Variants in MFSD11 observed in about 807,000 individuals in gnomAD.
MFSD11 encodes major facilitator superfamily domain containing 11.
Under a neutral mutation model 53.5 loss-of-function variants are expected in MFSD11, and 36 were observed. The observed-to-expected ratio is 0.67, with a 90% confidence interval of 0.52 to 0.89. The LOEUF (loss-of-function observed/expected upper bound fraction) is 0.89. Among genes scored for constraint, MFSD11 ranks in the 40% least tolerant of loss-of-function variants. MFSD11 has a pLI of 0.00. For missense variants in MFSD11, 530 were observed against 543.9 expected, an observed-to-expected ratio of 0.97 and a Z score of 0.25; for synonymous variants, 186 against 184.9, an observed-to-expected ratio of 1.01 and a Z score of -0.05.
intron 8 of MFSD11, among the ~76,000 whole-genome samples, chr17:76,759,866 G>A (rs1055633954): frequency 7.0e-6 from 1 of 143,710 alleles, no homozygotes; most frequent in Non-Finnish European, 1.5e-5. Context: ...CCACCCACCC[G>A]GCCTCCCAAA....
At chr17:76,753,972 A>G (rs2079321874) in intron 7 of MFSD11, 75 bp from the exon 8 acceptor site, 3 of 1,287,212 alleles carry the variant, frequency 2.3e-6, no homozygotes, top group Non-Finnish European at 3.3e-6. Flanking sequence ...ACGAACGTAA[A>G]TGAAAATGTG....
At chr17:76,766,056 A>G (rs2080821896) in intron 8 of MFSD11, among the ~76,000 whole-genome samples, 1 of 150,208 alleles carries the variant, frequency 6.7e-6, no homozygotes, top group African/African-American at 2.5e-5. Flanking sequence ...TGCATTCATC[A>G]TGATAGGATC....
At chr17:76,738,856 C>T in intron 1 of MFSD11, 82 bp from the exon 2 acceptor site, 1 of 1,040,882 alleles carries the variant, frequency 9.6e-7, no homozygotes, top group Non-Finnish European at 1.5e-6. Flanking sequence ...TATTCTCTTG[C>T]TGAGTACTTG....
chr17:76,745,488 G>C (rs992957856), intron 7 of MFSD11: 1 of 152,160 alleles, frequency 6.6e-6, no homozygotes, highest in Non-Finnish European at 1.5e-5. Context: ...TGGTCACTTT[G>C]TGTCTCTCTG....
rs1407194491 is a variant in MFSD11, at chr17:76,778,699, A to G, written c.*347A>G. On this transcript the variant is annotated 3_prime_UTR_variant, in exon 13 of 13. Transcript: ENST00000685175. ...CTGCCTTGATTTAGAATACTAGGCC[A>G]TATGTCATATAAATATTTTTTCTGG... The G allele has an allele frequency of 1.5e-5, 3 of 196,624 alleles. No homozygotes were observed. In the Admixed American group the frequency reaches 1.6e-4, roughly 11 times the overall value. 12.2% of individuals were successfully genotyped at this position (196,624 alleles called of 1,614,324 possible). A position where few individuals can be genotyped will look rare whatever the true frequency, so the allele number is the denominator to read the frequency against.
downstream of MFSD11, among the ~76,000 whole-genome samples, chr17:76,783,357 G>T (rs892426771): frequency 2.6e-5 from 4 of 152,032 alleles, no homozygotes; most frequent in African/African-American, 9.7e-5. Context: ...ATTTGGCTTA[G>T]ACCTTGAGCA....
At chr17:76,736,699 CCGGGCCCGCACCACGTGCTTCGCCG>C (rs1227450704), upstream of MFSD11, 16 of 1,312,738 alleles carry the variant, frequency 1.2e-5, no homozygotes, top group African/African-American at 1.6e-5. Context: ...CCCGCCCCGT[CCGGGCCCGCACCACGTGCTTCGCCG>C]CGGACCTTTG....
intron 7 of MFSD11, among the ~76,000 whole-genome samples, chr17:76,747,749 G>A (rs1368483722): frequency 6.6e-6 from 1 of 152,126 alleles, no homozygotes; most frequent in African/African-American, 2.4e-5. Flanking sequence ...GTTTGGTGTT[G>A]GTCCTAGAGG....
chr17:76,738,665 G>A, intron 1 of MFSD11: 1 of 605,036 alleles, frequency 1.7e-6, no homozygotes, highest in Non-Finnish European at 2.9e-6. Flanking sequence ...TTGATTAGGG[G>A]TTTGGATGTT....
intron 7 of MFSD11, chr17:76,745,287 G>A (rs952812434): frequency 6.6e-6 from 1 of 152,228 alleles, no homozygotes; most frequent in Admixed American, 6.5e-5. Flanking sequence ...AGGAGCATTA[G>A]ATGCTCCAGA....
chr17:76,791,412 T>A, the MFSD11 span, among the ~76,000 whole-genome samples: 2,239 of 149,486 alleles, frequency 0.015, 231 homozygotes, highest in African/African-American at 0.052. Flanking sequence ...CTTTTTTTTT[T>A]AAATTGGTTT....
chr17:76,780,502 G>A (rs1304828108), downstream of MFSD11, among the ~76,000 whole-genome samples: 2 of 150,196 alleles, frequency 1.3e-5, no homozygotes, highest in South Asian at 4.2e-4. Context: ...GTTGTCTTTT[G>A]GTTGTTGTGT....
intron 1 of MFSD11, 31 bp from the exon 2 acceptor site, chr17:76,738,907 T>C: frequency 6.2e-7 from 1 of 1,602,594 alleles, no homozygotes; most frequent in Non-Finnish European, 8.6e-7. Flanking sequence ...CTGCAAAACA[T>C]TTTCGTTGAT....
Position 76,762,656 on chromosome 17 carries a change from C to CAAAAA in MFSD11, c.683-4714_683-4710dup, listed in dbSNP as rs35436399. 6.6e-5 allele frequency among the ~76,000 whole-genome samples: 5 copies of CAAAAA among 76,150 alleles called. 1 individual carries two copies. The highest frequency in any genetic ancestry group is 1.8e-4 in the African/African-American group (4 of 21,878). The allele number at this position is 76,150 out of a possible 152,430, so 50.0% of individuals were successfully genotyped here. ...GGGCGACTGAGCGAGACTCCGTCTC[C>CAAAAA]AAAAAAAAAAAAAAAAAAAAGCGGC... is the stretch of plus-strand genomic sequence containing the variant. On this transcript the variant is annotated intron_variant, in intron 8 of 12. Coordinates refer to ENST00000685175, the MANE Select transcript of MFSD11 (RefSeq NM_001242532.5).
intron 8 of MFSD11, among the ~76,000 whole-genome samples, chr17:76,764,706 T>C (rs963329935): frequency 2.0e-5 from 3 of 151,858 alleles, no homozygotes; most frequent in Non-Finnish European, 4.4e-5. Flanking sequence ...CACACACACA[T>C]ATACATATAA....
intron 1 of MFSD11, 95 bp downstream of exon 1, chr17:76,738,543 A>T: frequency 1.2e-6 from 1 of 856,442 alleles, no homozygotes; most frequent in Non-Finnish European, 1.8e-6. Flanking sequence ...AGCGCGCTTT[A>T]ATTGCATCTT....
the MFSD11 span, among the ~76,000 whole-genome samples, chr17:76,789,833 G>A: frequency 6.7e-6 from 1 of 150,214 alleles, no homozygotes; most frequent in South Asian, 2.2e-4. Flanking sequence ...TCCCAGCCAT[G>A]GTCACTCATA....
intron 7 of MFSD11, among the ~76,000 whole-genome samples, chr17:76,749,264 T>TA (rs2097164648): frequency 6.6e-6 from 1 of 151,916 alleles, no homozygotes; most frequent in Non-Finnish European, 1.5e-5. Context: ...TTCCAGGTAA[T>TA]AAAAATCATA....
At chr17:76,799,257 G>C in the MFSD11 span, 1 of 151,886 alleles carries the variant, frequency 6.6e-6, no homozygotes, top group African/African-American at 2.4e-5. Context: ...TGGGATTATA[G>C]GTGCCCACCA....
Sources: allele counts gnomAD v4.1 joint callset (sites outside exome capture counted in the v4.1 genomes callset), GRCh38; gene constraint gnomAD v4.1.1; transcripts MANE v1.5; gene names NCBI Gene and HGNC (gene_info 2026-07-23, HGNC 2026-07-21).